The following CWC27 variants were observed in gnomAD, a reference collection of about 807,000 sequenced individuals.
The protein encoded by CWC27 is CWC27 spliceosome associated cyclophilin.
In CWC27, 47 loss-of-function variants were observed where a neutral mutation model predicts 63.6. That is an observed-to-expected ratio of 0.74 (90% CI 0.58 to 0.94). CWC27 has a LOEUF of 0.94. CWC27 is among the 40% of genes least tolerant of loss of function. The pLI is 0.00. For missense variants in CWC27, 495 were observed against 554.3 expected, an observed-to-expected ratio of 0.89 and a Z score of 1.07; for synonymous variants, 175 against 179.8, an observed-to-expected ratio of 0.97 and a Z score of 0.22.
At chr5:65,006,947 T>A (rs1580778636) in intron 13 of CWC27, among the ~76,000 whole-genome samples, 1 of 134,024 alleles carries the variant, frequency 7.5e-6, no homozygotes, top group East Asian at 2.1e-4. Flanking sequence ...AAATACACGT[T>A]TATTTAAAAA....
intron 10 of CWC27, among the ~76,000 whole-genome samples, chr5:64,805,950 G>A (rs966504086): frequency 3.3e-5 from 5 of 152,074 alleles, no homozygotes; most frequent in African/African-American, 1.2e-4. Context: ...GCTAGATTTA[G>A]GAATCTGATC....
At chr5:64,856,951 G>A (rs1346008869) in intron 10 of CWC27, among the ~76,000 whole-genome samples, 2 of 152,124 alleles carry the variant, frequency 1.3e-5, no homozygotes, top group East Asian at 3.8e-4. Context: ...AAGTTATGCT[G>A]TTGAAAATCT....
At chr5:64,927,557 GT>G (rs1748143021) in intron 11 of CWC27, among the ~76,000 whole-genome samples, 1 of 152,136 alleles carries the variant, frequency 6.6e-6, no homozygotes. Context: ...AGGGTGCCTA[GT>G]TCTTCTTAAG....
At position 64,988,320 on chromosome 5, in the gene CWC27, C is replaced by T. The variant is rs778976302; in HGVS notation, c.1256+11082C>T. ...TTAGCATCTGTTGATTGTCTTTTCC[C>T]GTGCAAGTTAAGATTTGTATGATTC... On this transcript the variant is annotated intron_variant, in intron 13 of 13. Coordinates refer to ENST00000381070, the MANE Select transcript of CWC27 (RefSeq NM_005869.4). Among the ~76,000 whole-genome samples the T allele has an allele frequency of 6.8e-4, 103 of 152,180 alleles. No homozygotes were observed. In the Middle Eastern group the frequency reaches 0.02, roughly 30 times the overall value.
chr5:64,828,630 G>A (rs1001229720), intron 10 of CWC27, among the ~76,000 whole-genome samples: 1 of 151,998 alleles, frequency 6.6e-6, no homozygotes, highest in Non-Finnish European at 1.5e-5. Context: ...GCCCAAGACA[G>A]ATTGTAAACA....
intron 11 of CWC27, among the ~76,000 whole-genome samples, chr5:64,942,657 G>T (rs927194163): frequency 1.3e-5 from 2 of 152,040 alleles, no homozygotes; most frequent in Non-Finnish European, 2.9e-5. Context: ...AATGTGCTTG[G>T]TCAGCCTGTT....
At chr5:64,773,781 T>C (rs184439898) in intron 1 of CWC27, 1 of 152,178 alleles carries the variant, frequency 6.6e-6, no homozygotes. Flanking sequence ...ATAAACTGTT[T>C]CCTGTGGGCC....
At chr5:64,979,994 G>A (rs1282205887) in intron 13 of CWC27, among the ~76,000 whole-genome samples, 6 of 151,456 alleles carry the variant, frequency 4.0e-5, no homozygotes, top group Admixed American at 6.6e-5. Flanking sequence ...AAGAGAGAGG[G>A]AGAGAAAGAA....
rs138792608 is a variant in CWC27 at position 64,769,166 on chromosome 5, A to G, written c.20A>G (p.Gln7Arg). Residue 7 changes from glutamine to arginine, a missense_variant, in exon 1 of 14, where the codon CAG becomes CGG. By Grantham distance (43) the Gln-to-Arg change is conservative. Around this residue, in one of 3 missense-constraint regions of CWC27, gnomAD observed 463 missense variants for 498.1 expected, o/e 0.93. Transcript: ENST00000381070. ...ACCAAGATGAGCAACATCTACATCC[A>G]GGAGCCTCCCACGAATGGGAAGGTG... MSNIYI[Q>R]EPPTNGKVLL... is the part of the protein sequence containing the mutation. 2 of 1,614,146 alleles carry G rather than the reference A, an allele frequency of 1.2e-6. No homozygotes were observed. Among genetic ancestry groups the G allele is most frequent in the Non-Finnish European group, 1.7e-6 (2 of 1,180,018 alleles).
chr5:64,869,669 T>C (rs1307063536), intron 10 of CWC27, among the ~76,000 whole-genome samples: 1 of 152,116 alleles, frequency 6.6e-6, no homozygotes, highest in African/African-American at 2.4e-5. Flanking sequence ...AGGCAGAGAA[T>C]GTGCAGATTC....
At chr5:64,783,094 G>T (rs941876029) in intron 3 of CWC27, among the ~76,000 whole-genome samples, 1 of 152,138 alleles carries the variant, frequency 6.6e-6, no homozygotes, top group Admixed American at 6.5e-5. Context: ...GATCCATTGA[G>T]TTCAGATCTC....
At chr5:64,807,128 A>C (rs1580624292) in intron 10 of CWC27, among the ~76,000 whole-genome samples, 1 of 152,064 alleles carries the variant, frequency 6.6e-6, no homozygotes, top group East Asian at 1.9e-4. Flanking sequence ...TGCTTGAAGT[A>C]CTCTATTATC....
chr5:64,818,840 G>T (rs1745117129), intron 10 of CWC27, among the ~76,000 whole-genome samples: 2 of 152,142 alleles, frequency 1.3e-5, no homozygotes, highest in Non-Finnish European at 2.9e-5. Context: ...TCTCAGGTAG[G>T]ATTTCTTAGT....
At chr5:64,801,928 A>C (rs1246234269) in intron 9 of CWC27, among the ~76,000 whole-genome samples, 1 of 152,196 alleles carries the variant, frequency 6.6e-6, no homozygotes, top group Non-Finnish European at 1.5e-5. Flanking sequence ...TAGGAAGTAC[A>C]TAACTTTCCA....
At chr5:65,000,067 T>A (rs997848383) in intron 13 of CWC27, among the ~76,000 whole-genome samples, 1 of 152,096 alleles carries the variant, frequency 6.6e-6, no homozygotes, top group Non-Finnish European at 1.5e-5. Context: ...TGGCTTTGAT[T>A]CGCAGGTCCC....
At chr5:64,929,733 C>T (rs532389944) in intron 11 of CWC27, among the ~76,000 whole-genome samples, 102 of 151,516 alleles carry the variant, frequency 6.7e-4, no homozygotes, top group Non-Finnish European at 1.3e-3. Context: ...TGGGCAAGGA[C>T]GTGGAGAAAT....
intron 10 of CWC27, among the ~76,000 whole-genome samples, chr5:64,847,927 A>G (rs529774501): frequency 6.6e-6 from 1 of 152,168 alleles, no homozygotes; most frequent in South Asian, 2.1e-4. Context: ...AAAAAGAGAG[A>G]AAGATCTCAA....
chr5:64,966,321 T>C (rs1749011879), intron 11 of CWC27, among the ~76,000 whole-genome samples: 1 of 152,168 alleles, frequency 6.6e-6, no homozygotes, highest in Non-Finnish European at 1.5e-5. Flanking sequence ...TGATATCCTT[T>C]GAAAGCTTAT....
chr5:64,786,666 TGACACTCATTCA>T, intron 6 of CWC27, 39 bp downstream of exon 6: 1 of 1,209,580 alleles, frequency 8.3e-7, no homozygotes, highest in Non-Finnish European at 1.2e-6. Context: ...GCTTGAAAAA[TGACACTCATTCA>T]TTTAGTTTAC....
Sources: gnomAD v4.1 joint callset for allele counts (sites outside exome capture counted in the v4.1 genomes callset) on GRCh38, gnomAD v4.1.1 for gene constraint, gnomAD v4.1.1 regional missense constraint, MANE v1.5 for transcripts, NCBI Gene and HGNC (gene_info 2026-07-23, HGNC 2026-07-21) for gene names.